PRKG1: variants seen among roughly 807,000 people sequenced by gnomAD.
PRKG1 encodes the protein protein kinase cGMP-dependent 1.
In PRKG1, 35 loss-of-function variants were observed where a neutral mutation model predicts 88.1. The ratio of observed to expected loss-of-function variants is 0.40; its 90% CI spans 0.30 to 0.53. The LOEUF is 0.53. PRKG1 is among the 20% of genes least tolerant of loss of function. PRKG1 has a pLI of 0.59. For synonymous variants in PRKG1, 303 were observed against 292.5 expected (o/e 1.04, Z -0.37); for missense variants, 540 against 839.8 (o/e 0.64, Z 4.41).
At chr10:51,309,664 C>T (rs1279283162) in intron 2 of PRKG1, among the ~76,000 whole-genome samples, 1 of 151,748 alleles carries the variant, frequency 6.6e-6, no homozygotes, top group Non-Finnish European at 1.5e-5. Context: ...GTTAGAACAA[C>T]CTCTATGGAA....
At chr10:51,802,431 A>T (rs970150279) in intron 3 of PRKG1, among the ~76,000 whole-genome samples, 1 of 152,136 alleles carries the variant, frequency 6.6e-6, no homozygotes, top group Non-Finnish European at 1.5e-5. Context: ...AATTCTGTCA[A>T]TTTATTTTTT....
At chr10:51,783,529 G>A (rs530659717) in intron 3 of PRKG1, among the ~76,000 whole-genome samples, 3 of 152,162 alleles carry the variant, frequency 2.0e-5, no homozygotes, top group South Asian at 4.2e-4. Context: ...TAGTCCACCT[G>A]CCTCGGCCTC....
At chr10:51,339,580 CA>C in intron 2 of PRKG1, among the ~76,000 whole-genome samples, 2 of 151,698 alleles carry the variant, frequency 1.3e-5, no homozygotes, top group Non-Finnish European at 2.9e-5. Flanking sequence ...GATACCGTAA[CA>C]TTTTGTATAC....
At chr10:51,981,142 A>T (rs11516536) in intron 5 of PRKG1, among the ~76,000 whole-genome samples, 30,260 of 152,044 alleles carry the variant, frequency 0.2, 3,857 homozygotes, top group Non-Finnish European at 0.28. Context: ...TTCTCTTCAT[A>T]TTTAGAGCTT....
chr10:51,849,227 A>C (rs951325234), intron 4 of PRKG1, among the ~76,000 whole-genome samples: 4 of 152,168 alleles, frequency 2.6e-5, no homozygotes, highest in African/African-American at 9.7e-5. Context: ...CATAGGGAAA[A>C]GAACATCGTT....
intron 7 of PRKG1, among the ~76,000 whole-genome samples, chr10:52,091,999 A>G (rs1160447587): frequency 6.6e-6 from 1 of 152,070 alleles, no homozygotes. Flanking sequence ...CTGGGCAAAA[A>G]CTTCTCCTGG....
intron 1 of PRKG1, among the ~76,000 whole-genome samples, chr10:51,104,246 A>G (rs1276527254): frequency 1.3e-5 from 2 of 152,188 alleles, no homozygotes; most frequent in African/African-American, 4.8e-5. Flanking sequence ...CCCACAATTA[A>G]AAGTGGTTAT....
chr10:51,728,795 A>G (rs951366739), intron 3 of PRKG1, among the ~76,000 whole-genome samples: 2 of 152,174 alleles, frequency 1.3e-5, no homozygotes, highest in Non-Finnish European at 2.9e-5. Context: ...TTGATGCTTC[A>G]TTATGGCAAG....
At chr10:51,118,202 G>A (rs185809701) in intron 1 of PRKG1, among the ~76,000 whole-genome samples, 1 of 152,176 alleles carries the variant, frequency 6.6e-6, no homozygotes, top group East Asian at 1.9e-4. Context: ...TTTGGCCAAA[G>A]GCCATTTAAA....
chr10:51,059,957 A>G (rs529688073), intron 1 of PRKG1, among the ~76,000 whole-genome samples: 9 of 152,274 alleles, frequency 5.9e-5, no homozygotes, highest in Admixed American at 5.9e-4. Flanking sequence ...TCTTCTTAGC[A>G]TTATGAATTT....
chr10:51,453,885 G>A (rs1396792497), intron 2 of PRKG1, among the ~76,000 whole-genome samples: 1 of 151,982 alleles, frequency 6.6e-6, no homozygotes, highest in Non-Finnish European at 1.5e-5. Context: ...TATGATAAAT[G>A]AATTCAGGAA....
intron 2 of PRKG1, among the ~76,000 whole-genome samples, chr10:51,321,694 G>A (rs1841460849): frequency 6.6e-6 from 1 of 152,054 alleles, no homozygotes; most frequent in African/African-American, 2.4e-5. Flanking sequence ...GTATTTGCTA[G>A]CACAACAGGG....
intron 3 of PRKG1, among the ~76,000 whole-genome samples, chr10:51,737,683 T>C (rs1837314108): frequency 6.6e-6 from 1 of 151,456 alleles, no homozygotes; most frequent in African/African-American, 2.4e-5. Flanking sequence ...TCTGGTCTGG[T>C]AGGGAGCCTA....
chr10:51,836,495 A>G (rs1197598790), intron 4 of PRKG1, among the ~76,000 whole-genome samples: 1 of 152,170 alleles, frequency 6.6e-6, no homozygotes, highest in East Asian at 1.9e-4. Flanking sequence ...ACCCAAAGCA[A>G]TGTCATGGAG....
chr10:51,222,126 C>CG (rs1440424138), intron 2 of PRKG1, among the ~76,000 whole-genome samples: 1 of 119,002 alleles, frequency 8.4e-6, no homozygotes, highest in Non-Finnish European at 1.6e-5. Context: ...ATCCGCGCCC[C>CG]CCCCCGACCC....
At chr10:51,504,750 A>G (rs1289124632) in intron 3 of PRKG1, among the ~76,000 whole-genome samples, 1 of 151,938 alleles carries the variant, frequency 6.6e-6, no homozygotes, top group East Asian at 1.9e-4. Context: ...ATGGGAATTC[A>G]CTCCTGATTT....
intron 4 of PRKG1, among the ~76,000 whole-genome samples, chr10:51,864,908 C>T (rs1402694457): frequency 6.6e-6 from 1 of 152,074 alleles, no homozygotes; most frequent in Non-Finnish European, 1.5e-5. Context: ...TTTTGTATGT[C>T]ACCTCATTCT....
intron 8 of PRKG1, among the ~76,000 whole-genome samples, chr10:52,145,984 T>A (rs1178984977): frequency 6.6e-6 from 1 of 152,170 alleles, no homozygotes; most frequent in South Asian, 2.1e-4. Context: ...TATAATTGAA[T>A]TAGTTTTAAA....
intron 4 of PRKG1, among the ~76,000 whole-genome samples, chr10:51,884,219 G>T (rs1265438010): frequency 6.6e-6 from 1 of 150,960 alleles, no homozygotes; most frequent in Non-Finnish European, 1.5e-5. Flanking sequence ...GGCCGAGACG[G>T]GCAGATCACG....
Sources: allele counts gnomAD v4.1 joint callset (sites outside exome capture counted in the v4.1 genomes callset), GRCh38; gene constraint gnomAD v4.1.1; transcripts MANE v1.5; gene names NCBI Gene and HGNC (gene_info 2026-07-23, HGNC 2026-07-21).